WWOX: variants seen among roughly 807,000 people sequenced by gnomAD.
The protein encoded by WWOX is WW domain containing oxidoreductase, also known as WW domain-containing oxidoreductase.
A neutral mutation model predicts 46.2 loss-of-function variants in WWOX; 69 were observed. The observed-to-expected ratio is 1.49, with a 90% CI of 1.23 to 1.82. WWOX has a LOEUF of 1.82. Ranked by LOEUF, WWOX falls within the 40% of genes most tolerant of loss-of-function variation. WWOX has a pLI of 0.00. For synonymous variants in WWOX, 359 were observed against 202.6 expected, an observed-to-expected ratio of 1.77 and a Z score of -6.56; for missense variants, 919 against 542.6, an observed-to-expected ratio of 1.69 and a Z score of -6.89.
intron 8 of WWOX, among the ~76,000 whole-genome samples, chr16:78,646,000 C>G (rs140490387): frequency 1.8e-4 from 28 of 152,260 alleles, no homozygotes; most frequent in African/African-American, 6.7e-4. Context: ...CCTCCTCTCC[C>G]CCTTTGTCAT....
Position 78,725,787 on chromosome 16 carries a change from G to A in WWOX, c.1056+293035G>A, listed in dbSNP as rs189544483. On this transcript the variant is annotated intron_variant, in intron 8 of 8. Transcript: ENST00000566780. ...AGGCTCCAGGGATGATCTACTCCAT[G>A]CCTTTGTCTTAGCTTTTGGCATTGC... Among the ~76,000 whole-genome samples, 555 of 152,140 alleles carry A rather than the reference G, an allele frequency of 3.6e-3. 2 individuals carry two copies. Among genetic ancestry groups the A allele is most frequent in the African/African-American group, 0.013 (533 of 41,516 alleles).
intron 4 of WWOX, among the ~76,000 whole-genome samples, chr16:78,139,837 T>C (rs1366042118): frequency 6.6e-6 from 1 of 152,086 alleles, no homozygotes; most frequent in Non-Finnish European, 1.5e-5. Context: ...TAAAAATGTG[T>C]TTTTTAGTTA....
intron 8 of WWOX, among the ~76,000 whole-genome samples, chr16:78,576,686 G>C (rs375157459): frequency 6.6e-6 from 1 of 152,110 alleles, no homozygotes; most frequent in Non-Finnish European, 1.5e-5. Context: ...AAAAATATTA[G>C]CTGGGCATGA....
intron 8 of WWOX, among the ~76,000 whole-genome samples, chr16:78,625,219 G>C (rs528406411): frequency 3.3e-5 from 5 of 152,104 alleles, no homozygotes; most frequent in Non-Finnish European, 7.4e-5. Flanking sequence ...CTGCGTTTAG[G>C]CTGGGGTCAC....
intron 5 of WWOX, among the ~76,000 whole-genome samples, chr16:78,364,679 T>C (rs1007272311): frequency 7.3e-5 from 11 of 151,688 alleles, no homozygotes; most frequent in Admixed American, 1.3e-4. Context: ...ATACAGAACA[T>C]AATTTGTCAC....
chr16:79,040,104 G>C (rs1051626066), intron 8 of WWOX, among the ~76,000 whole-genome samples: 1 of 152,086 alleles, frequency 6.6e-6, no homozygotes, highest in African/African-American at 2.4e-5. Context: ...TACCCCATAG[G>C]TTGCTGTGAA....
At chr16:79,122,533 ATCCT>A (rs2049659173) in intron 8 of WWOX, among the ~76,000 whole-genome samples, 1 of 133,128 alleles carries the variant, frequency 7.5e-6, no homozygotes, top group East Asian at 2.2e-4. Flanking sequence ...CCTTCTCTCT[ATCCT>A]TCCTTTTTGT....
chr16:78,675,346 C>G (rs1244373699), intron 8 of WWOX, among the ~76,000 whole-genome samples: 4 of 152,174 alleles, frequency 2.6e-5, no homozygotes, highest in African/African-American at 9.7e-5. Flanking sequence ...ATTTAAAAAA[C>G]TGTTCATATC....
At chr16:78,862,330 A>G (rs1409767057) in intron 8 of WWOX, among the ~76,000 whole-genome samples, 2 of 151,096 alleles carry the variant, frequency 1.3e-5, no homozygotes, top group African/African-American at 2.4e-5. Context: ...TTCTATATCT[A>G]TACATTATAT....
chr16:78,791,250 A>AC (rs955877291), intron 8 of WWOX, among the ~76,000 whole-genome samples: 14 of 151,214 alleles, frequency 9.3e-5, no homozygotes, highest in Non-Finnish European at 2.1e-4. Flanking sequence ...GCAAACACAC[A>AC]CCCTCCCTCC....
chr16:78,664,048 G>C (rs575790805), intron 8 of WWOX, among the ~76,000 whole-genome samples: 20 of 152,304 alleles, frequency 1.3e-4, no homozygotes, highest in African/African-American at 4.6e-4. Flanking sequence ...TTGAATCATG[G>C]TTTTAAAAGA....
intron 5 of WWOX, among the ~76,000 whole-genome samples, chr16:78,321,525 G>C (rs978456633): frequency 6.6e-6 from 1 of 151,756 alleles, no homozygotes; most frequent in African/African-American, 2.4e-5. Flanking sequence ...TCTGCCACGA[G>C]AATCCTTGTC....
chr16:78,545,839 G>C (rs925945938), intron 8 of WWOX, among the ~76,000 whole-genome samples: 1 of 152,056 alleles, frequency 6.6e-6, no homozygotes. Flanking sequence ...GTGGCCTTCC[G>C]TCTGTTTCTT....
chr16:78,141,220 G>A (rs1429945720), intron 4 of WWOX, among the ~76,000 whole-genome samples: 2 of 152,156 alleles, frequency 1.3e-5, no homozygotes, highest in Admixed American at 6.6e-5. Context: ...TTTAAATGCC[G>A]AGCAGGGCTT....
At chr16:78,358,061 C>T (rs2081335197) in intron 5 of WWOX, among the ~76,000 whole-genome samples, 1 of 152,188 alleles carries the variant, frequency 6.6e-6, no homozygotes, top group Non-Finnish European at 1.5e-5. Context: ...ACTTTTTCAT[C>T]TTTCTGCATA....
At chr16:78,315,314 C>T (rs1178821901) in intron 5 of WWOX, among the ~76,000 whole-genome samples, 1 of 152,050 alleles carries the variant, frequency 6.6e-6, no homozygotes, top group African/African-American at 2.4e-5. Flanking sequence ...CTTCATTGTG[C>T]CCTTTAGAGG....
chr16:78,557,805 C>T (rs2044342472), intron 8 of WWOX, among the ~76,000 whole-genome samples: 1 of 149,518 alleles, frequency 6.7e-6, no homozygotes, highest in South Asian at 2.1e-4. Context: ...AAACAATTCT[C>T]CTACGTCAGC....
intron 8 of WWOX, among the ~76,000 whole-genome samples, chr16:78,759,265 A>C (rs992852934): frequency 6.6e-6 from 1 of 152,220 alleles, no homozygotes; most frequent in South Asian, 2.1e-4. Flanking sequence ...GAAGGTGGGC[A>C]TGGCAGGGAA....
At chr16:78,263,996 C>CTTTTTTTTGTTTTTTTTTTTTTTTT (rs2079304936) in intron 5 of WWOX, among the ~76,000 whole-genome samples, 1 of 78,816 alleles carries the variant, frequency 1.3e-5, no homozygotes, top group Non-Finnish European at 2.2e-5. Context: ...GCTGTGAAAT[C>CTTTTTTTTGTTTTTTTTTTTTTTTT]TTTTTTTTTT....
Sources: gnomAD v4.1 joint callset for allele counts (sites outside exome capture counted in the v4.1 genomes callset) on GRCh38, gnomAD v4.1.1 for gene constraint, MANE v1.5 for transcripts, NCBI Gene and HGNC (gene_info 2026-07-23, HGNC 2026-07-21) for gene names.